The following CABIN1 variants were observed in gnomAD, a reference collection of about 807,000 sequenced individuals.
CABIN1 encodes the protein calcineurin-binding protein cabin-1.
In CABIN1, 133 loss-of-function variants were observed where a neutral mutation model predicts 227.7. The observed-to-expected ratio is 0.58, with a 90% CI of 0.51 to 0.67. The LOEUF is 0.67. Among genes scored for constraint, CABIN1 ranks in the 30% least tolerant of loss-of-function variants. The pLI is 0.00. For synonymous variants in CABIN1, 1,086 were observed against 1,155.1 expected, an observed-to-expected ratio of 0.94 and a Z score of 1.21; for missense variants, 2,408 against 2,852.5, an observed-to-expected ratio of 0.84 and a Z score of 3.55.
rs752936187 is a variant in CABIN1, at chr22:24,064,125, C to A, written c.1975C>A (p.Arg659=). The A allele has an allele frequency of 1.9e-6, 3 of 1,614,046 alleles. No homozygotes were observed. The highest frequency in any genetic ancestry group is 2.5e-6 in the Non-Finnish European group (3 of 1,180,038). The part of the protein sequence containing the change: ...TAIQVEAGAE[R]RDIVIRLPNL... The stretch of plus-strand genomic sequence containing the variant: ...CATCCAGGTGGAGGCAGGGGCTGAA[C>A]GAAGAGACATTGTCATCCGGCTGCC... Residue 659 remains arginine (R), a synonymous_variant, in exon 15 of 37, where the codon CGA becomes AGA. Transcript: ENST00000263119.
At chr22:24,074,142 A>G (rs1483249556) in intron 18 of CABIN1, among the ~76,000 whole-genome samples, 4 of 152,308 alleles carry the variant, frequency 2.6e-5, no homozygotes, top group Middle Eastern at 6.8e-3. Context: ...GTTTATAACT[A>G]TAAAAGTTTG....
chr22:24,152,608 G>A (rs2045550816), intron 29 of CABIN1, among the ~76,000 whole-genome samples: 1 of 152,200 alleles, frequency 6.6e-6, no homozygotes, highest in Non-Finnish European at 1.5e-5. Context: ...AAGCTCCCAG[G>A]CTGAGAACGG....
At chr22:24,043,208 A>G (rs113183135) in intron 6 of CABIN1, 124 bp downstream of exon 6, 1 of 735,420 alleles carries the variant, frequency 1.4e-6, no homozygotes, top group Non-Finnish European at 2.3e-6. Flanking sequence ...TGTCAGGGAG[A>G]ATGGCAATGT....
chr22:24,095,868 G>C lies in CABIN1; in HGVS notation c.3787-63G>C, dbSNP rs1396367195. The C allele has an allele frequency of 2.5e-6, 4 of 1,592,658 alleles. No individual in the cohort carries two copies. The African/African-American group carries it at 4.0e-5, about 16-fold the overall frequency. On this transcript the variant is annotated intron_variant, in intron 24 of 36. Coordinates refer to ENST00000263119, the MANE Select transcript of CABIN1 (RefSeq NM_012295.4). The stretch of plus-strand genomic sequence containing the variant: ...GGGCCCATTTCCAGTGTGGCTGACT[G>C]GCCTGTGGAACAAATCTTAGCAACT...
intron 25 of CABIN1, among the ~76,000 whole-genome samples, chr22:24,097,198 A>G (rs1057090160): frequency 6.6e-6 from 1 of 152,260 alleles, no homozygotes; most frequent in African/African-American, 2.4e-5. Flanking sequence ...TTTTAATTAT[A>G]CAAATAATAC....
At position 24,035,523 on chromosome 22, in the gene CABIN1, A is replaced by G. The variant is rs2036802385; in HGVS notation, c.3+3A>G. On this transcript the variant is annotated splice_donor_region_variant and intron_variant, in intron 2 of 36. Coordinates refer to ENST00000263119, the MANE Select transcript of CABIN1 (RefSeq NM_012295.4). ...AGTGCTGAATCTCTCTGAATATGGT[A>G]AGGACTGATGCCTGCCTATTTTGCG... The G allele has an allele frequency of 1.9e-6, 3 of 1,614,006 alleles. No homozygotes were observed. The highest frequency in any genetic ancestry group is 1.1e-5 in the South Asian group (1 of 91,090).
chr22:24,108,258 C>T (rs1022247082), intron 26 of CABIN1, among the ~76,000 whole-genome samples: 4 of 152,210 alleles, frequency 2.6e-5, no homozygotes, highest in Non-Finnish European at 5.9e-5. Flanking sequence ...GGGAGCCCAA[C>T]CCTTAAGCTC....
intron 19 of CABIN1, among the ~76,000 whole-genome samples, chr22:24,082,617 A>G (rs569532473): frequency 6.6e-6 from 1 of 152,306 alleles, no homozygotes; most frequent in South Asian, 2.1e-4. Context: ...ATGCTTGAAA[A>G]TAATGTGTAT....
chr22:24,109,116 A>T (rs950784093), intron 26 of CABIN1, among the ~76,000 whole-genome samples: 1 of 152,224 alleles, frequency 6.6e-6, no homozygotes, highest in African/African-American at 2.4e-5. Context: ...TGGCATTTAC[A>T]GAGGCTCTCA....
chr22:24,045,676 A>C (rs1459290632), intron 6 of CABIN1, among the ~76,000 whole-genome samples: 1 of 152,148 alleles, frequency 6.6e-6, no homozygotes, highest in Admixed American at 6.5e-5. Context: ...TGTTGGTACC[A>C]CTTTCTGTCT....
chr22:24,176,541 G>A (rs914174464), intron 35 of CABIN1, among the ~76,000 whole-genome samples: 18 of 152,178 alleles, frequency 1.2e-4, no homozygotes, highest in Non-Finnish European at 1.9e-4. Flanking sequence ...GCATCACGGA[G>A]GGGTACTAGC....
chr22:24,126,889 C>G (rs1465529684), intron 28 of CABIN1, among the ~76,000 whole-genome samples: 4 of 151,738 alleles, frequency 2.6e-5, no homozygotes, highest in African/African-American at 9.7e-5. Flanking sequence ...ATCCCAGCTA[C>G]TCAGTAGGCT....
intron 1 of CABIN1, among the ~76,000 whole-genome samples, chr22:24,018,884 A>G (rs954124432): frequency 1.7e-4 from 26 of 152,112 alleles, no homozygotes; most frequent in African/African-American, 6.0e-4. Context: ...TTTGAATCCT[A>G]TCCAGGAACA....
intron 7 of CABIN1, 134 bp downstream of exon 7, chr22:24,049,354 G>A: frequency 9.1e-7 from 1 of 1,093,600 alleles, no homozygotes; most frequent in Non-Finnish European, 1.4e-6. Flanking sequence ...CCCTGCCGCA[G>A]CCCCTGATCT....
At chr22:24,085,735 G>A (rs2041114450) in intron 22 of CABIN1, among the ~76,000 whole-genome samples, 1 of 152,210 alleles carries the variant, frequency 6.6e-6, no homozygotes, top group Non-Finnish European at 1.5e-5. Flanking sequence ...ATTGCCTGGA[G>A]CCTCTCAAGG....
intron 28 of CABIN1, among the ~76,000 whole-genome samples, chr22:24,129,255 G>A (rs892669321): frequency 6.6e-6 from 1 of 152,220 alleles, no homozygotes; most frequent in Non-Finnish European, 1.5e-5. Flanking sequence ...TTTGCTTCCT[G>A]TGTGAAGAGA....
At chr22:24,081,235 A>G (rs906106002) in intron 19 of CABIN1, among the ~76,000 whole-genome samples, 5 of 152,332 alleles carry the variant, frequency 3.3e-5, no homozygotes, top group African/African-American at 1.2e-4. Flanking sequence ...CAAAACAGAC[A>G]AGGGCAGGAT....
intron 14 of CABIN1, 124 bp downstream of exon 14, chr22:24,063,270 A>G: frequency 1.0e-6 from 1 of 990,888 alleles, no homozygotes; most frequent in South Asian, 1.4e-5. Context: ...ATGCATGTGT[A>G]CATGCATAGC....
intron 24 of CABIN1, among the ~76,000 whole-genome samples, chr22:24,092,329 G>T (rs1321966478): frequency 6.6e-6 from 1 of 152,322 alleles, no homozygotes; most frequent in East Asian, 1.9e-4. Flanking sequence ...TCTTCTGATT[G>T]TTGTTCAAGA....
Sources: gnomAD v4.1 joint callset for allele counts (sites outside exome capture counted in the v4.1 genomes callset) on GRCh38, gnomAD v4.1.1 for gene constraint, MANE v1.5 for transcripts, NCBI Gene and HGNC (gene_info 2026-07-23, HGNC 2026-07-21) for gene names.